Variants in PAPPA2 observed in about 807,000 individuals in gnomAD.
The protein encoded by PAPPA2 is pappalysin 2.
PAPPA2 carries 86 observed loss-of-function variants against 176.4 expected under a neutral mutation model. The ratio of observed to expected loss-of-function variants is 0.49; its 90% confidence interval spans 0.41 to 0.58. The LOEUF (loss-of-function observed/expected upper bound fraction) is 0.58, where lower values mean the gene tolerates loss of function less well. PAPPA2 is among the 20% of genes least tolerant of loss of function. The probability of loss-of-function intolerance (pLI) is 0.00; values close to 1 mark genes in which losing one functional copy is unlikely to be tolerated. For synonymous variants in PAPPA2, 809 were observed against 852.2 expected (o/e 0.95, Z 0.88); for missense variants, 2,073 against 2,256.9 (o/e 0.92, Z 1.65).
intron 1 of PAPPA2, among the ~76,000 whole-genome samples, chr1:176,488,916 G>C (rs1652771580): frequency 6.6e-6 from 1 of 152,166 alleles, no homozygotes; most frequent in African/African-American, 2.4e-5. Flanking sequence ...ACTGGTTCTA[G>C]TTTTAACTCT....
chr1:176,643,544 A>G (rs1326107098), intron 3 of PAPPA2, among the ~76,000 whole-genome samples: 2 of 151,720 alleles, frequency 1.3e-5, no homozygotes, highest in African/African-American at 4.8e-5. Context: ...TCTAGAGTAT[A>G]CCAGGAGTAC....
chr1:176,642,442 G>A (rs1374742504), intron 3 of PAPPA2, among the ~76,000 whole-genome samples: 5 of 151,824 alleles, frequency 3.3e-5, no homozygotes, highest in Non-Finnish European at 7.4e-5. Context: ...GCATAGGTGA[G>A]TGTGGGTGGA....
intron 2 of PAPPA2, among the ~76,000 whole-genome samples, chr1:176,594,004 A>G (rs934868858): frequency 6.6e-6 from 1 of 152,012 alleles, no homozygotes; most frequent in African/African-American, 2.4e-5. Flanking sequence ...CTCTAAAAAG[A>G]CTCCCTAATT....
intron 1 of PAPPA2, among the ~76,000 whole-genome samples, chr1:176,505,662 G>A (rs7533730): frequency 0.37 from 56,624 of 151,682 alleles, 12,466 homozygotes; most frequent in African/African-American, 0.6. Flanking sequence ...ATATGGAACA[G>A]CAACAACAAC....
chr1:176,704,396 G>A (rs923695308), intron 9 of PAPPA2, among the ~76,000 whole-genome samples: 2 of 152,132 alleles, frequency 1.3e-5, no homozygotes, highest in African/African-American at 4.8e-5. Context: ...CCAATCATTT[G>A]ATCACTTGGA....
At chr1:176,809,830 G>T (rs1571359122) in intron 21 of PAPPA2, among the ~76,000 whole-genome samples, 1 of 152,106 alleles carries the variant, frequency 6.6e-6, no homozygotes. Flanking sequence ...AGGTTAGCTT[G>T]CCGGAGACAT....
At chr1:176,811,567 T>C (rs1666150187) in intron 21 of PAPPA2, among the ~76,000 whole-genome samples, 1 of 152,194 alleles carries the variant, frequency 6.6e-6, no homozygotes, top group Non-Finnish European at 1.5e-5. Context: ...CTAGCAGGGA[T>C]GGTGTAGGTC....
At chr1:176,549,312 G>A (rs1650811795) in intron 1 of PAPPA2, among the ~76,000 whole-genome samples, 1 of 152,168 alleles carries the variant, frequency 6.6e-6, no homozygotes, top group African/African-American at 2.4e-5. Flanking sequence ...AAATGTCATA[G>A]GTGCCCACTG....
intron 3 of PAPPA2, among the ~76,000 whole-genome samples, chr1:176,654,579 A>G (rs1005536619): frequency 2.7e-5 from 4 of 150,244 alleles, no homozygotes; most frequent in East Asian, 2.0e-4. Context: ...TGTTTTTTCC[A>G]TATGAATTTT....
Position 176,623,758 on chromosome 1 carries a change from C to CCTTCCTTCCTTT in PAPPA2, c.1991+28166_1991+28167insCCTTCCTTTCTT, listed in dbSNP as rs1198828841. 8.4e-3 allele frequency among the ~76,000 whole-genome samples: 494 copies of CCTTCCTTCCTTT among 59,024 alleles called. 11 individuals are homozygous for CCTTCCTTCCTTT. The highest frequency in any genetic ancestry group is 0.013 in the African/African-American group (174 of 13,174). The allele number at this position is 59,024 out of a possible 152,430, so 38.7% of individuals were successfully genotyped here. A position where few individuals can be genotyped will look rare whatever the true frequency, so the allele number is the denominator to read the frequency against. On this transcript the variant is annotated intron_variant, in intron 3 of 22. Transcript: ENST00000367662. The stretch of plus-strand genomic sequence containing the variant: ...TTTCTTTCTCTCTCTTTCCTTCCTT[C>CCTTCCTTCCTTT]CTTTCTTTCTTTCTTTCTTTCTTTC...
intron 3 of PAPPA2, among the ~76,000 whole-genome samples, chr1:176,654,606 T>A (rs1657925227): frequency 6.6e-6 from 1 of 151,526 alleles, no homozygotes; most frequent in South Asian, 2.1e-4. Context: ...TTTTTCTAAT[T>A]CTTTGAAAAA....
chr1:176,806,075 A>G (rs145182500), intron 21 of PAPPA2, among the ~76,000 whole-genome samples: 344 of 151,560 alleles, frequency 2.3e-3, no homozygotes, highest in Middle Eastern at 3.4e-3. Context: ...CACTGCAAGT[A>G]TCCATGGTTA....
chr1:176,600,399 G>C (rs544456788), intron 3 of PAPPA2, among the ~76,000 whole-genome samples: 3 of 152,124 alleles, frequency 2.0e-5, no homozygotes, highest in African/African-American at 7.2e-5. Context: ...GAGCTCGGCC[G>C]GGCGCGGTGG....
chr1:176,825,681 T>A (rs1298150543), intron 21 of PAPPA2, among the ~76,000 whole-genome samples: 3 of 152,198 alleles, frequency 2.0e-5, no homozygotes, highest in African/African-American at 7.2e-5. Flanking sequence ...TCTAAGGTAA[T>A]TAGGTACTGC....
chr1:176,634,794 GGAGA>G (rs375139141), intron 3 of PAPPA2, among the ~76,000 whole-genome samples: 12,380 of 123,008 alleles, frequency 0.1, 578 homozygotes, highest in South Asian at 0.15. Context: ...AAATTTCCAA[GGAGA>G]GAGATAGATA....
intron 12 of PAPPA2, among the ~76,000 whole-genome samples, chr1:176,738,948 T>A (rs1306773355): frequency 6.6e-6 from 1 of 152,078 alleles, no homozygotes; most frequent in Non-Finnish European, 1.5e-5. Flanking sequence ...CATTCCTGAG[T>A]GATACATGAA....
chr1:176,662,359 A>C (rs547989459), intron 3 of PAPPA2, among the ~76,000 whole-genome samples: 1 of 152,266 alleles, frequency 6.6e-6, no homozygotes, highest in South Asian at 2.1e-4. Context: ...ATTAGTAGTA[A>C]ATAAATGGTG....
At chr1:176,579,968 A>G (rs1462198767) in intron 2 of PAPPA2, among the ~76,000 whole-genome samples, 1 of 152,244 alleles carries the variant, frequency 6.6e-6, no homozygotes, top group Non-Finnish European at 1.5e-5. Flanking sequence ...CTGAGTAATT[A>G]GCATTTCCTT....
At chr1:176,730,597 T>C (rs1239002195) in intron 12 of PAPPA2, among the ~76,000 whole-genome samples, 1 of 141,314 alleles carries the variant, frequency 7.1e-6, no homozygotes, top group Non-Finnish European at 1.5e-5. Flanking sequence ...TTTTTGTTTT[T>C]TGTTTTTTTT....
Sources: allele counts gnomAD v4.1 joint callset (sites outside exome capture counted in the v4.1 genomes callset), GRCh38; gene constraint gnomAD v4.1.1; transcripts MANE v1.5; gene names NCBI Gene and HGNC (gene_info 2026-07-23, HGNC 2026-07-21).